KDM2B: variants seen among roughly 807,000 people sequenced by gnomAD.
The protein encoded by KDM2B is lysine-specific demethylase 2B.
A neutral mutation model predicts 150.0 loss-of-function variants in KDM2B; 26 were observed. That is an observed-to-expected ratio of 0.17 (90% CI 0.13 to 0.24). KDM2B has a LOEUF of 0.24. KDM2B is among the 10% of genes least tolerant of loss of function. KDM2B has a pLI of 1.00. For missense variants in KDM2B, 1,265 were observed against 1,816.9 expected (o/e 0.70, Z 5.52); for synonymous variants, 734 against 729.5 (o/e 1.01, Z -0.10).
chr12:121,565,787 G>A (rs60214910), intron 4 of KDM2B, among the ~76,000 whole-genome samples: 1,819 of 151,606 alleles, frequency 0.012, 38 homozygotes, highest in African/African-American at 0.042. Context: ...CACCACACCC[G>A]GCTTATTTTT....
intron 12 of KDM2B, among the ~76,000 whole-genome samples, chr12:121,465,095 AT>A (rs1555294512): frequency 6.6e-6 from 1 of 152,162 alleles, no homozygotes; most frequent in Non-Finnish European, 1.5e-5. Flanking sequence ...GGAAAAAAAA[AT>A]CATCTTAAAG....
Position 121,468,396 on chromosome 12 carries a change from G to A in KDM2B, c.1735-15052C>T, listed in dbSNP as rs957148047. ...ATGACCATGAGCTAGAACGACCAAA[G>A]CTGTTATAAGCATCAAAACCAAAGC... On this transcript the variant is annotated intron_variant, in intron 12 of 22. Transcript: ENST00000377071. The surrounding 1 kb of genome is among the most constrained non-coding windows in gnomAD (Gnocchi z 4.0). 5 of 152,164 alleles carry A rather than the reference G, an allele frequency of 3.3e-5. No individual in the cohort carries two copies. Among genetic ancestry groups the A allele is most frequent in the Non-Finnish European group, 7.4e-5 (5 of 68,024 alleles). The allele number at this position is 152,164 out of a possible 1,614,324, so 9.4% of individuals were successfully genotyped here.
Position 121,467,432 on chromosome 12 carries a change from T to G in KDM2B, c.1735-14088A>C, listed in dbSNP as rs1307906672. On this transcript the variant is annotated intron_variant, in intron 12 of 22. Coordinates refer to ENST00000377071, the MANE Select transcript of KDM2B (RefSeq NM_032590.5). This position sits in a 1 kb window ranked among gnomAD's most constrained non-coding sequence, Gnocchi z 5.1. ...AGGGCCGGGGCGCCATGCATATGCA[T>G]GAGGCGAGCCAGGAAGGGGCTGGCC... is the stretch of plus-strand genomic sequence containing the variant. The G allele has an allele frequency of 3.1e-5, 25 of 802,910 alleles. No individual in the cohort carries two copies. The highest frequency in any genetic ancestry group is 6.4e-5 in the Admixed American group (1 of 15,560). 49.7% of individuals were successfully genotyped at this position (802,910 alleles called of 1,614,324 possible).
chr12:121,448,233 C>T (rs1158487627), intron 13 of KDM2B, among the ~76,000 whole-genome samples: 1 of 142,356 alleles, frequency 7.0e-6, no homozygotes, highest in East Asian at 2.1e-4. Flanking sequence ...GGTGGGAGGA[C>T]TGCTTGAGCC....
intron 6 of KDM2B, among the ~76,000 whole-genome samples, chr12:121,546,031 C>T (rs559791926): frequency 6.6e-6 from 1 of 152,310 alleles, no homozygotes; most frequent in African/African-American, 2.4e-5. Flanking sequence ...AATCTCCTCC[C>T]CTAGTACCAG....
At chr12:121,431,397 C>T (rs1872992959) in intron 22 of KDM2B, among the ~76,000 whole-genome samples, 2 of 151,340 alleles carry the variant, frequency 1.3e-5, no homozygotes, top group East Asian at 1.9e-4. Context: ...GATCCGCCCA[C>T]CTCAGCCTCC....
At chr12:121,515,955 T>A (rs1288962104) in intron 9 of KDM2B, among the ~76,000 whole-genome samples, 3 of 152,134 alleles carry the variant, frequency 2.0e-5, no homozygotes, top group African/African-American at 7.2e-5. Context: ...AGAAGAGTCA[T>A]CTTTTCTCAT....
intron 12 of KDM2B, among the ~76,000 whole-genome samples, chr12:121,479,122 T>C (rs1051334268): frequency 2.0e-5 from 3 of 151,906 alleles, no homozygotes; most frequent in Admixed American, 6.6e-5. Flanking sequence ...TATAAATAAA[T>C]TGGTAAACAG....
Position 121,452,982 on chromosome 12 carries a change from C to T in KDM2B, c.1959+138G>A. ...GAAGCGGCCAGCGCCTTCCCGTCCACAGGAAGAGCTCTCGGGGAGTCCACA... is the reference window on the plus strand; with the variant it reads ...GAAGCGGCCAGCGCCTTCCCGTCCATAGGAAGAGCTCTCGGGGAGTCCACA... On this transcript the variant is annotated intron_variant, in intron 13 of 22. Coordinates refer to ENST00000377071, the MANE Select transcript of KDM2B (RefSeq NM_032590.5). This position sits in a 1 kb window ranked among gnomAD's most constrained non-coding sequence, Gnocchi z 4.4. The T allele has an allele frequency of 2.5e-6, 2 of 790,596 alleles. No homozygotes were observed. The highest frequency in any genetic ancestry group is 3.9e-6 in the Non-Finnish European group (2 of 517,962). 49.0% of individuals were successfully genotyped at this position (790,596 alleles called of 1,614,324 possible). A position where few individuals can be genotyped will look rare whatever the true frequency, so the allele number is the denominator to read the frequency against.
chr12:121,552,031 T>A (rs1889543073), intron 4 of KDM2B, among the ~76,000 whole-genome samples: 1 of 152,208 alleles, frequency 6.6e-6, no homozygotes, highest in Non-Finnish European at 1.5e-5. Flanking sequence ...GTTTTACAAA[T>A]GGGGAGACCA....
the KDM2B span, chr12:121,418,603 C>CTGA: frequency 6.6e-6 from 1 of 152,278 alleles, no homozygotes; most frequent in African/African-American, 2.4e-5. Flanking sequence ...AGCCTGCAGT[C>CTGA]TGATACTTGG....
chr12:121,529,768 A>T (rs1157510201), intron 8 of KDM2B, among the ~76,000 whole-genome samples: 1 of 151,874 alleles, frequency 6.6e-6, no homozygotes, highest in Non-Finnish European at 1.5e-5. Flanking sequence ...CGTTGCTACT[A>T]AAAATACAAA....
At position 121,442,142 on chromosome 12, in the gene KDM2B, C is replaced by A. The variant is rs74913419; in HGVS notation, c.3284+15G>T. 1.2e-6 allele frequency: 2 copies of A among 1,612,216 alleles called. No homozygotes were observed. Among genetic ancestry groups the A allele is most frequent in the Non-Finnish European group, 1.7e-6 (2 of 1,178,848 alleles). On this transcript the variant is annotated intron_variant, in intron 19 of 22. Transcript: ENST00000377071. This position sits in a 1 kb window ranked among gnomAD's most constrained non-coding sequence, Gnocchi z 7.7. ...CTGAGCCTTAACCTAGAGCCCTACACAGGCCGCCGCTCACCAGCGGTTCCA... is the reference window on the plus strand; with the variant it reads ...CTGAGCCTTAACCTAGAGCCCTACAAAGGCCGCCGCTCACCAGCGGTTCCA...
chr12:121,427,206 G>GGCTCAGAGC (rs1566239839), downstream of KDM2B, among the ~76,000 whole-genome samples: 2 of 151,414 alleles, frequency 1.3e-5, no homozygotes, highest in Non-Finnish European at 2.9e-5. Flanking sequence ...GTTGCTTGTA[G>GGCTCAGAGC]CATTTAGCCT....
rs534983379 is a variant in KDM2B, at chr12:121,518,481, G to A, written c.1047+2504C>T. On this transcript the variant is annotated intron_variant, in intron 9 of 22. Transcript: ENST00000377071. This position sits in a 1 kb window ranked among gnomAD's most constrained non-coding sequence, Gnocchi z 4.4. ...CCAGCCTGCTTCGGTGAAACCAGAT[G>A]GGGTGCCCACTCAGGGGAAGGGACA... 6.6e-6 allele frequency among the ~76,000 whole-genome samples: 1 copy of A among 152,320 alleles called. No homozygotes were observed. The highest frequency in any genetic ancestry group is 2.4e-5 in the African/African-American group (1 of 41,576).
chr12:121,418,898 G>A, the KDM2B span, among the ~76,000 whole-genome samples: 1 of 152,106 alleles, frequency 6.6e-6, no homozygotes, highest in Admixed American at 6.6e-5. Context: ...GTAAAGATGG[G>A]GTTTCACCAT....
chr12:121,579,238 T>A (rs1555317463), intron 1 of KDM2B, among the ~76,000 whole-genome samples: 1 of 152,104 alleles, frequency 6.6e-6, no homozygotes, highest in African/African-American at 2.4e-5. Context: ...CGAAATGTGC[T>A]GGGCTTCGCC....
chr12:121,541,477 C>A, intron 6 of KDM2B, among the ~76,000 whole-genome samples: 1 of 147,978 alleles, frequency 6.8e-6, no homozygotes. Context: ...TTTTATTTAT[C>A]AAGCAGAATC....
intron 12 of KDM2B, among the ~76,000 whole-genome samples, chr12:121,471,329 C>T (rs1880749401): frequency 6.6e-6 from 1 of 152,192 alleles, no homozygotes; most frequent in African/African-American, 2.4e-5. Flanking sequence ...CCAGAACTTT[C>T]ACCATGTGAT....
Sources: allele counts gnomAD v4.1 joint callset (sites outside exome capture counted in the v4.1 genomes callset), GRCh38; gene constraint gnomAD v4.1.1; non-coding constraint Gnocchi (gnomAD v3.1); transcripts MANE v1.5; gene names NCBI Gene and HGNC (gene_info 2026-07-23, HGNC 2026-07-21).